Variants in FSIP1 observed in about 807,000 individuals in gnomAD.
FSIP1 encodes fibrous sheath interacting protein 1.
In FSIP1, 65 loss-of-function variants were observed where a neutral mutation model predicts 60.9. The ratio of observed to expected loss-of-function variants is 1.07; its 90% CI spans 0.87 to 1.31. The LOEUF is 1.31. FSIP1 is among the 40% of genes most tolerant of loss of function. FSIP1 has a pLI of 0.00. For missense variants in FSIP1, 675 were observed against 665.5 expected, an observed-to-expected ratio of 1.01 and a Z score of -0.16; for synonymous variants, 209 against 221.2, an observed-to-expected ratio of 0.94 and a Z score of 0.49.
At chr15:39,671,140 G>A (rs540723059) in intron 10 of FSIP1, among the ~76,000 whole-genome samples, 1 of 152,198 alleles carries the variant, frequency 6.6e-6, no homozygotes, top group African/African-American at 2.4e-5. Flanking sequence ...AATGATAATC[G>A]CTTTTTGAGC....
At chr15:39,619,944 C>T (rs947230553) in intron 10 of FSIP1, among the ~76,000 whole-genome samples, 1 of 152,082 alleles carries the variant, frequency 6.6e-6, no homozygotes, top group African/African-American at 2.4e-5. Context: ...ATCCAATATG[C>T]TTGACCATTT....
intron 5 of FSIP1, among the ~76,000 whole-genome samples, chr15:39,746,465 G>A (rs116587327): frequency 0.012 from 1,813 of 152,308 alleles, 36 homozygotes; most frequent in African/African-American, 0.04. Context: ...GGACAGAAAG[G>A]AAGCAGAAAT....
chr15:39,623,071 T>A (rs1362075066), intron 10 of FSIP1, among the ~76,000 whole-genome samples: 1 of 151,432 alleles, frequency 6.6e-6, no homozygotes, highest in Non-Finnish European at 1.5e-5. Context: ...TGTTTACACA[T>A]CTCCACCCAG....
At chr15:39,672,400 C>T (rs1893756964) in intron 10 of FSIP1, among the ~76,000 whole-genome samples, 2 of 152,182 alleles carry the variant, frequency 1.3e-5, no homozygotes, top group African/African-American at 4.8e-5. Flanking sequence ...CTGTGAGCAA[C>T]ACTATTGACT....
chr15:39,672,313 C>T (rs1010682024), intron 10 of FSIP1, among the ~76,000 whole-genome samples: 2 of 152,184 alleles, frequency 1.3e-5, no homozygotes, highest in Non-Finnish European at 2.9e-5. Context: ...GAGGCGATTG[C>T]TGTGATTACT....
At chr15:39,655,568 C>A (rs78358781) in intron 10 of FSIP1, among the ~76,000 whole-genome samples, 1 of 152,120 alleles carries the variant, frequency 6.6e-6, no homozygotes, top group Non-Finnish European at 1.5e-5. Context: ...AGTGTTGTAA[C>A]GACTGAGGCT....
At chr15:39,680,650 A>G (rs1265126224) in intron 10 of FSIP1, among the ~76,000 whole-genome samples, 1 of 152,208 alleles carries the variant, frequency 6.6e-6, no homozygotes, top group Admixed American at 6.5e-5. Context: ...TAACTGTAGA[A>G]CCACAGTCAG....
intron 10 of FSIP1, among the ~76,000 whole-genome samples, chr15:39,699,286 T>C (rs530489741): frequency 6.6e-5 from 10 of 152,218 alleles, no homozygotes; most frequent in Non-Finnish European, 1.3e-4. Flanking sequence ...AGCTATATTT[T>C]CACAAATATT....
intron 1 of FSIP1, among the ~76,000 whole-genome samples, chr15:39,780,149 C>T (rs1204304555): frequency 6.6e-6 from 1 of 152,162 alleles, no homozygotes; most frequent in East Asian, 1.9e-4. Flanking sequence ...AACCTTCTAT[C>T]TTTTATACCC....
intron 10 of FSIP1, among the ~76,000 whole-genome samples, chr15:39,627,723 G>C (rs562226686): frequency 6.6e-6 from 1 of 152,330 alleles, no homozygotes; most frequent in South Asian, 2.1e-4. Flanking sequence ...GTACTTGCTA[G>C]CAAGCAGTAG....
At chr15:39,632,577 G>T (rs370411641) in intron 10 of FSIP1, among the ~76,000 whole-genome samples, 7 of 152,104 alleles carry the variant, frequency 4.6e-5, no homozygotes, top group African/African-American at 1.7e-4. Context: ...GGTGGATCAC[G>T]AGGTCAGGAG....
intron 1 of FSIP1, 24 bp from the exon 2 acceptor site, chr15:39,776,555 A>C: frequency 6.4e-7 from 1 of 1,557,518 alleles, no homozygotes; most frequent in Non-Finnish European, 8.8e-7. Context: ...TAAAATATTT[A>C]ATACCAAGCG....
At chr15:39,756,840 C>CCCTT (rs1897315909) in intron 5 of FSIP1, among the ~76,000 whole-genome samples, 1 of 152,050 alleles carries the variant, frequency 6.6e-6, no homozygotes, top group African/African-American at 2.4e-5. Flanking sequence ...GCTTTCAAGT[C>CCCTT]CCTTGCAGCT....
At chr15:39,610,605 G>T (rs1006135946) in intron 11 of FSIP1, among the ~76,000 whole-genome samples, 1 of 152,216 alleles carries the variant, frequency 6.6e-6, no homozygotes, top group Non-Finnish European at 1.5e-5. Context: ...GGCAGAGGCT[G>T]CAGTGAGCCA....
intron 5 of FSIP1, among the ~76,000 whole-genome samples, chr15:39,751,611 C>G (rs1204004147): frequency 6.6e-6 from 1 of 151,136 alleles, no homozygotes; most frequent in Non-Finnish European, 1.5e-5. Context: ...AAAAAAAAGT[C>G]AAATTTACAG....
chr15:39,613,911 T>A (rs1891123786), intron 11 of FSIP1, among the ~76,000 whole-genome samples: 2 of 152,152 alleles, frequency 1.3e-5, no homozygotes, highest in Admixed American at 1.3e-4. Flanking sequence ...CACCATTTCA[T>A]GATAAAAATT....
At chr15:39,663,355 A>G (rs1893374976) in intron 10 of FSIP1, among the ~76,000 whole-genome samples, 1 of 146,592 alleles carries the variant, frequency 6.8e-6, no homozygotes, top group Admixed American at 6.6e-5. Flanking sequence ...CCCAGAGAAC[A>G]TAAGATATAA....
At chr15:39,765,965 A>G (rs1165017182) in intron 3 of FSIP1, among the ~76,000 whole-genome samples, 1 of 152,214 alleles carries the variant, frequency 6.6e-6, no homozygotes, top group Non-Finnish European at 1.5e-5. Flanking sequence ...TCTCTATTTT[A>G]CAGTTGAGAT....
At chr15:39,729,240 A>G (rs982174782) in intron 8 of FSIP1, among the ~76,000 whole-genome samples, 2 of 152,234 alleles carry the variant, frequency 1.3e-5, no homozygotes, top group African/African-American at 4.8e-5. Flanking sequence ...ATTAATGGGT[A>G]TATACCCAAA....
Sources: gnomAD v4.1 joint callset for allele counts (sites outside exome capture counted in the v4.1 genomes callset) on GRCh38, gnomAD v4.1.1 for gene constraint, MANE v1.5 for transcripts, NCBI Gene and HGNC (gene_info 2026-07-23, HGNC 2026-07-21) for gene names.